The following FLOT1 variants were observed in gnomAD, a reference collection of about 807,000 sequenced individuals.
The protein encoded by FLOT1 is flotillin-1.
Under a neutral mutation model 58.4 loss-of-function variants are expected in FLOT1, and 40 were observed. That is an observed-to-expected ratio of 0.69 (90% confidence interval 0.53 to 0.89). The LOEUF (loss-of-function observed/expected upper bound fraction) is 0.89. Ranked by LOEUF, FLOT1 falls within the 40% of genes least tolerant of loss-of-function variation. The pLI is 0.00. For missense variants in FLOT1, 423 were observed against 540.8 expected, an observed-to-expected ratio of 0.78 and a Z score of 2.16; for synonymous variants, 178 against 204.2, an observed-to-expected ratio of 0.87 and a Z score of 1.09.
chr6:30,740,951 T>C (rs1777934964), intron 5 of FLOT1, 153 bp from the exon 6 acceptor site: 2 of 1,220,718 alleles, frequency 1.6e-6, no homozygotes, highest in Non-Finnish European at 2.2e-6. Context: ...CATACCCAGC[T>C]AATTTTTGTA....
intron 8 of FLOT1, among the ~76,000 whole-genome samples, chr6:30,739,273 C>T (rs1386553600): frequency 6.6e-6 from 1 of 152,184 alleles, no homozygotes; most frequent in Non-Finnish European, 1.5e-5. Context: ...GATCTGAGCT[C>T]GGATCCACTT....
At chr6:30,730,268 C>T in intron 11 of FLOT1, 82 bp from the exon 12 acceptor site, 1 of 1,536,526 alleles carries the variant, frequency 6.5e-7, no homozygotes, top group Admixed American at 1.7e-5. Flanking sequence ...TTTTAAGGTC[C>T]TCGTTCCACT....
chr6:30,741,891 A>G lies in FLOT1; in HGVS notation c.44-24T>C. On this transcript the variant is annotated intron_variant, in intron 2 of 12. Coordinates refer to ENST00000376389, the MANE Select transcript of FLOT1 (RefSeq NM_005803.4). The surrounding 1 kb of genome is among the most constrained non-coding windows in gnomAD (Gnocchi z 5.9). ...CCCTGCAAGGTGTGGGGCAGTGAGG[A>G]ACGGTGGCAGAGCTTGAATGTGGAA... The G allele has an allele frequency of 6.2e-7, 1 of 1,607,768 alleles. No homozygotes were observed. The highest frequency in any genetic ancestry group is 8.5e-7 in the Non-Finnish European group (1 of 1,176,510).
At position 30,742,095 on chromosome 6, in the gene FLOT1, G is replaced by A. The variant is rs1778034166; in HGVS notation, c.43+52C>T. ...GGAGAGGGAGAAGGGGCAGAGGCCAGACTCACAGGGGTTCTGGGGTCACTG... is the reference window on the plus strand; with the variant it reads ...GGAGAGGGAGAAGGGGCAGAGGCCAAACTCACAGGGGTTCTGGGGTCACTG... On this transcript the variant is annotated intron_variant, in intron 2 of 12. Transcript: ENST00000376389. The surrounding 1 kb of genome is among the most constrained non-coding windows in gnomAD (Gnocchi z 5.2). The A allele has an allele frequency of 2.5e-6, 4 of 1,584,740 alleles. No individual in the cohort carries two copies. The highest frequency in any genetic ancestry group is 2.2e-5 in the East Asian group (1 of 44,750).
At chr6:30,738,668 A>G (rs1384623934) in intron 8 of FLOT1, among the ~76,000 whole-genome samples, 1 of 152,214 alleles carries the variant, frequency 6.6e-6, no homozygotes, top group African/African-American at 2.4e-5. Context: ...ACTCACAGCT[A>G]ACAGCAGTAT....
Position 30,741,583 on chromosome 6 carries a change from G to T in FLOT1, c.210+31C>A. 6.6e-7 allele frequency: 1 copy of T among 1,511,338 alleles called. No homozygotes were observed. The highest frequency in any genetic ancestry group is 9.2e-7 in the Non-Finnish European group (1 of 1,087,606). The allele number at this position is 1,511,338 out of a possible 1,614,324, so 93.6% of individuals were successfully genotyped here. On this transcript the variant is annotated intron_variant, in intron 4 of 12. Transcript: ENST00000376389. This position sits in a 1 kb window ranked among gnomAD's most constrained non-coding sequence, Gnocchi z 5.9. ...TGGGAGAGAGGGTGATGGGGAAGTG[G>T]ACTGTGGGGAAAAGGCTCTGAAAGC... is the stretch of plus-strand genomic sequence containing the variant.
intron 8 of FLOT1, among the ~76,000 whole-genome samples, chr6:30,735,509 G>A (rs1373024230): frequency 6.6e-6 from 1 of 151,648 alleles, no homozygotes; most frequent in Non-Finnish European, 1.5e-5. Context: ...TGTAATCCCA[G>A]TTGAGGATTA....
At chr6:30,728,797 T>C (rs1487592237) in intron 12 of FLOT1, among the ~76,000 whole-genome samples, 4 of 151,734 alleles carry the variant, frequency 2.6e-5, no homozygotes, top group Admixed American at 6.6e-5. Flanking sequence ...TCTTTTTTTT[T>C]TTGAGACAGA....
intron 8 of FLOT1, 132 bp downstream of exon 8, chr6:30,740,026 G>T: frequency 2.5e-6 from 2 of 799,274 alleles, no homozygotes; most frequent in Non-Finnish European, 3.9e-6. Flanking sequence ...TCATATGGGG[G>T]AGTTGGTCCA....
At position 30,741,091 on chromosome 6, in the gene FLOT1, T is replaced by G; in HGVS notation, c.354+99A>C. On this transcript the variant is annotated intron_variant, in intron 5 of 12. Transcript: ENST00000376389. This position sits in a 1 kb window ranked among gnomAD's most constrained non-coding sequence, Gnocchi z 5.9. ...CATGAACCACCCTGCCCGGCCGGGA[T>G]GTATGCTCTTGGATCCACTGTCTCT... 7.0e-7 allele frequency: 1 copy of G among 1,428,740 alleles called. No individual in the cohort carries two copies. Among genetic ancestry groups the G allele is most frequent in the Non-Finnish European group, 9.7e-7 (1 of 1,032,868 alleles). 88.5% of individuals were successfully genotyped at this position (1,428,740 alleles called of 1,614,324 possible).
rs200359641 is a variant in FLOT1 at position 30,728,095 on chromosome 6, G to A, written c.*21C>T. The A allele has an allele frequency of 6.2e-7, 1 of 1,611,790 alleles. No homozygotes were observed. Among genetic ancestry groups the A allele is most frequent in the Non-Finnish European group, 8.5e-7 (1 of 1,178,892 alleles). The stretch of plus-strand genomic sequence containing the variant: ...CAGGCAACTTCAGCTATGAGGCTGG[G>A]CATCTGTGAGGGCTGAAGGCTCAGG... On this transcript the variant is annotated 3_prime_UTR_variant, in exon 13 of 13. Transcript: ENST00000376389.
In FLOT1 at chr6:30,740,738, G is replaced by A; in HGVS notation, c.415C>T (p.Leu139=). The A allele has an allele frequency of 5.6e-6, 9 of 1,612,960 alleles. No individual in the cohort carries two copies. The highest frequency in any genetic ancestry group is 7.6e-6 in the Non-Finnish European group (9 of 1,180,012). The stretch of plus-strand genomic sequence containing the variant: ...ACCACACTGATGCCCATGTTGACCA[G>A]GTCTGAGGAGGCCACTTTGAAAACC... ...EQVFKVASSD[L]VNMGISVVSY... The change falls in exon 6 of 13, where the codon CTG becomes TTG. Residue 139 remains leucine (L), a synonymous_variant. Coordinates refer to ENST00000376389, the MANE Select transcript of FLOT1 (RefSeq NM_005803.4).
Position 30,741,410 on chromosome 6 carries a change from A to G in FLOT1, c.211-77T>C, listed in dbSNP as rs1738309084. Reference sequence around the variant, plus strand: ...GAGAAAAAGCAGAGAGAGAAGGGAGAGCCCTCTAAGAAATGCTTCTTCCAT... The same window carrying G: ...GAGAAAAAGCAGAGAGAGAAGGGAGGGCCCTCTAAGAAATGCTTCTTCCAT... On this transcript the variant is annotated intron_variant, in intron 4 of 12. Transcript: ENST00000376389. The surrounding 1 kb of genome is among the most constrained non-coding windows in gnomAD (Gnocchi z 5.9). 4 of 1,561,224 alleles carry G rather than the reference A, an allele frequency of 2.6e-6. No individual in the cohort carries two copies. The highest frequency in any genetic ancestry group is 3.5e-6 in the Non-Finnish European group (4 of 1,137,488).
intron 8 of FLOT1, among the ~76,000 whole-genome samples, chr6:30,736,755 A>G (rs2127773598): frequency 6.6e-6 from 1 of 151,246 alleles, no homozygotes; most frequent in African/African-American, 2.4e-5. Context: ...CACCACGCCC[A>G]GCTAATTTTT....
At chr6:30,730,357 C>T (rs1055125964) in intron 11 of FLOT1, 71 bp downstream of exon 11, 10 of 1,526,364 alleles carry the variant, frequency 6.6e-6, no homozygotes, top group African/African-American at 2.8e-5. Context: ...TCCCTAAGCC[C>T]CTCACTACAC....
intron 12 of FLOT1, among the ~76,000 whole-genome samples, chr6:30,728,460 T>C (rs562194931): frequency 1.3e-5 from 2 of 150,706 alleles, no homozygotes; most frequent in Non-Finnish European, 1.5e-5. Flanking sequence ...TTTATTTACA[T>C]ACGCTTTTTT....
In FLOT1 at chr6:30,737,208, TCGTCCGTCCGTCCGTCCGTC is replaced by T. The variant is rs148516220; in HGVS notation, c.723+2930_723+2949del. ...GACTGACTGACTGACTGACTGTCTG[TCGTCCGTCCGTCCGTCCGTC>T]CGTCCGTCCGTCCGTCCGTCCATCC... On this transcript the variant is annotated intron_variant, in intron 8 of 12. Transcript: ENST00000376389. This position sits in a 1 kb window ranked among gnomAD's most constrained non-coding sequence, Gnocchi z 4.4. Among the ~76,000 whole-genome samples, 16 of 138,128 alleles carry T rather than the reference TCGTCCGTCCGTCCGTCCGTC, an allele frequency of 1.2e-4. No individual in the cohort carries two copies. Among genetic ancestry groups the T allele is most frequent in the South Asian group, 4.6e-4 (2 of 4,366 alleles). The allele number at this position is 138,128 out of a possible 152,430, so 90.6% of individuals were successfully genotyped here.
intron 5 of FLOT1, 36 bp from the exon 6 acceptor site, chr6:30,740,834 GTTT>G (rs34375360): frequency 0.045 from 57,959 of 1,275,528 alleles, 551 homozygotes; most frequent in African/African-American, 0.15. Flanking sequence ...AGGGATGTAA[GTTT>G]TTTTTTTTTT....
rs1046563606 is a variant in FLOT1 at position 30,727,788 on chromosome 6, C to T, written c.*328G>A. 3.8e-5 allele frequency: 18 copies of T among 479,610 alleles called. No individual in the cohort carries two copies. The highest frequency in any genetic ancestry group is 5.8e-5 in the African/African-American group (3 of 52,140). The allele number at this position is 479,610 out of a possible 1,614,324, so 29.7% of individuals were successfully genotyped here. The stretch of plus-strand genomic sequence containing the variant: ...GTAGCAAAGTTGAAAACCTCCAGCC[C>T]ATCCCTCAGTCTTGGTCAGGAAAAT... On this transcript the variant is annotated 3_prime_UTR_variant, in exon 13 of 13. Transcript: ENST00000376389.
Sources: allele counts gnomAD v4.1 joint callset (sites outside exome capture counted in the v4.1 genomes callset), GRCh38; gene constraint gnomAD v4.1.1; non-coding constraint Gnocchi (gnomAD v3.1); transcripts MANE v1.5; gene names NCBI Gene and HGNC (gene_info 2026-07-23, HGNC 2026-07-21).